The following KNDC1 variants were observed in gnomAD, a reference collection of about 807,000 sequenced individuals.
KNDC1 encodes kinase non-catalytic C-lobe domain-containing protein 1.
KNDC1 carries 106 observed loss-of-function variants against 172.8 expected under a neutral mutation model. The ratio of observed to expected loss-of-function variants is 0.61; its 90% CI spans 0.52 to 0.72. The LOEUF (loss-of-function observed/expected upper bound fraction) is 0.72. KNDC1 is among the 30% of genes least tolerant of loss of function. The pLI is 0.00. For missense variants in KNDC1, 2,325 were observed against 2,394.5 expected (o/e 0.97, Z 0.61); for synonymous variants, 1,083 against 1,062.2 (o/e 1.02, Z -0.38).
intron 1 of KNDC1, among the ~76,000 whole-genome samples, chr10:133,166,551 C>T (rs1416445745): frequency 6.6e-6 from 1 of 152,058 alleles, no homozygotes; most frequent in Non-Finnish European, 1.5e-5. Context: ...ATGAGGATGT[C>T]TGTTCTCATT....
At chr10:133,211,278 C>T (rs974532369) in intron 21 of KNDC1, 144 bp from the exon 22 acceptor site, 10 of 716,356 alleles carry the variant, frequency 1.4e-5, no homozygotes, top group Middle Eastern at 4.0e-4. Flanking sequence ...GAGGGACCCA[C>T]GGAAGACCCC....
At chr10:133,191,120 C>T (rs1854060973) in intron 9 of KNDC1, among the ~76,000 whole-genome samples, 1 of 152,202 alleles carries the variant, frequency 6.6e-6, no homozygotes, top group Admixed American at 6.5e-5. Context: ...GGGCAGATCA[C>T]TTGAGTCCAG....
intron 3 of KNDC1, among the ~76,000 whole-genome samples, chr10:133,175,241 G>A (rs1266099680): frequency 2.0e-5 from 3 of 151,378 alleles, no homozygotes; most frequent in African/African-American, 7.3e-5. Context: ...ACAAATGGAT[G>A]GATGGGTGGG....
chr10:133,181,040 G>A (rs1268991055), intron 3 of KNDC1, among the ~76,000 whole-genome samples: 1 of 152,180 alleles, frequency 6.6e-6, no homozygotes, highest in African/African-American at 2.4e-5. Flanking sequence ...TCTTGGAATT[G>A]AGGCTTTGCA....
intron 17 of KNDC1, among the ~76,000 whole-genome samples, chr10:133,206,484 G>A (rs1335884894): frequency 1.3e-5 from 2 of 151,676 alleles, no homozygotes; most frequent in Non-Finnish European, 3.0e-5. Flanking sequence ...TGTGAGCCTG[G>A]GGGCAGCCCA....
chr10:133,202,897 C>T (rs73388560), intron 17 of KNDC1, among the ~76,000 whole-genome samples: 20,217 of 150,962 alleles, frequency 0.13, 1,710 homozygotes, highest in African/African-American at 0.24. Context: ...AGGCCGCCCC[C>T]GGGGCTGGGG....
At chr10:133,177,279 T>C (rs1853564316) in intron 3 of KNDC1, among the ~76,000 whole-genome samples, 1 of 152,156 alleles carries the variant, frequency 6.6e-6, no homozygotes, top group South Asian at 2.1e-4. Context: ...ATGTATGTGG[T>C]CTGGCATATG....
intron 17 of KNDC1, among the ~76,000 whole-genome samples, chr10:133,205,238 G>A (rs986006363): frequency 6.6e-6 from 1 of 152,202 alleles, no homozygotes; most frequent in Non-Finnish European, 1.5e-5. Context: ...GCCAGGCGTG[G>A]GAGGCATCCT....
At chr10:133,206,438 C>T (rs983223009) in intron 17 of KNDC1, among the ~76,000 whole-genome samples, 11 of 152,138 alleles carry the variant, frequency 7.2e-5, no homozygotes, top group East Asian at 1.9e-4. Context: ...GGGTGAGGGG[C>T]GCAGGGAGCA....
chr10:133,161,098 C>T (rs1340667209), intron 1 of KNDC1, among the ~76,000 whole-genome samples: 1 of 152,138 alleles, frequency 6.6e-6, no homozygotes, highest in Non-Finnish European at 1.5e-5. Flanking sequence ...CAGAGGGGCT[C>T]TGCCTGCCAT....
At chr10:133,187,775 G>C (rs528161261) in intron 6 of KNDC1, among the ~76,000 whole-genome samples, 1 of 152,174 alleles carries the variant, frequency 6.6e-6, no homozygotes, top group Non-Finnish European at 1.5e-5. Flanking sequence ...AAAATGCACC[G>C]AACAAAAGCC....
intron 21 of KNDC1, among the ~76,000 whole-genome samples, chr10:133,210,964 G>A (rs980212066): frequency 2.0e-5 from 3 of 152,130 alleles, no homozygotes; most frequent in Non-Finnish European, 4.4e-5. Flanking sequence ...GAGGGGACCT[G>A]GGGGAGTCGG....
intron 17 of KNDC1, among the ~76,000 whole-genome samples, chr10:133,203,080 C>T (rs971541926): frequency 6.0e-5 from 9 of 151,254 alleles, no homozygotes; most frequent in Admixed American, 3.3e-4. Flanking sequence ...CAGAGTCCAG[C>T]GGGGAGCACT....
intron 26 of KNDC1, among the ~76,000 whole-genome samples, chr10:133,215,952 G>A (rs920337377): frequency 1.3e-5 from 2 of 152,220 alleles, no homozygotes; most frequent in Admixed American, 6.5e-5. Flanking sequence ...ACCTCCTCAC[G>A]GGAGCGGACG....
rs1457963558 is a variant in KNDC1, at chr10:133,209,810, C to T, written c.3795-801C>T. Among the ~76,000 whole-genome samples, 4 of 152,098 alleles carry T rather than the reference C, an allele frequency of 2.6e-5. No homozygotes were observed. Among genetic ancestry groups the T allele is most frequent in the Middle Eastern group, 3.4e-3 (1 of 294 alleles). ...GACCAGGCCCCTTGTTCCAGGGCCA[C>T]GCCATCTCCTGCCTGAGACTCCTCC... On this transcript the variant is annotated intron_variant, in intron 20 of 29. Coordinates refer to ENST00000304613, the MANE Select transcript of KNDC1 (RefSeq NM_152643.8). This position sits in a 1 kb window ranked among gnomAD's most constrained non-coding sequence, Gnocchi z 4.9.
chr10:133,184,233 C>A (rs111210399), intron 5 of KNDC1, among the ~76,000 whole-genome samples: 1 of 105,098 alleles, frequency 9.5e-6, no homozygotes, highest in Admixed American at 1.1e-4. Flanking sequence ...GCACACACAC[C>A]CATGCGCACA....
At chr10:133,215,823 A>G (rs1845459235) in intron 26 of KNDC1, among the ~76,000 whole-genome samples, 1 of 152,244 alleles carries the variant, frequency 6.6e-6, no homozygotes, top group South Asian at 2.1e-4. Context: ...GGTGGGCAAG[A>G]GTCGTGCAGG....
chr10:133,172,749 AG>A (rs770167855), intron 3 of KNDC1, among the ~76,000 whole-genome samples: 1 of 152,194 alleles, frequency 6.6e-6, no homozygotes, highest in Non-Finnish European at 1.5e-5. Flanking sequence ...ATCCCAGCAC[AG>A]GGAGATTTGG....
At chr10:133,219,702 T>C (rs971342253) in intron 28 of KNDC1, among the ~76,000 whole-genome samples, 4 of 152,210 alleles carry the variant, frequency 2.6e-5, no homozygotes, top group African/African-American at 9.6e-5. Flanking sequence ...GGACTCACCA[T>C]TTCAGCAGCA....
Sources: gnomAD v4.1 joint callset for allele counts (sites outside exome capture counted in the v4.1 genomes callset) on GRCh38, gnomAD v4.1.1 for gene constraint, Gnocchi (gnomAD v3.1) non-coding constraint, MANE v1.5 for transcripts, NCBI Gene and HGNC (gene_info 2026-07-23, HGNC 2026-07-21) for gene names.